Variants in AGO4 observed in about 807,000 individuals in gnomAD.
The protein encoded by AGO4 is argonaute RISC component 4.
A neutral mutation model predicts 104.7 loss-of-function variants in AGO4; 33 were observed. The observed-to-expected ratio is 0.32, with a 90% CI of 0.24 to 0.42. The LOEUF is 0.42. Ranked by LOEUF, AGO4 falls within the 10% of genes least tolerant of loss-of-function variation. The pLI is 1.00. For synonymous variants in AGO4, 331 were observed against 364.7 expected (o/e 0.91, Z 1.05); for missense variants, 711 against 1,083.4 (o/e 0.66, Z 4.83).
At chr1:35,829,364 G>A (rs913766457) in intron 7 of AGO4, among the ~76,000 whole-genome samples, 18 of 150,510 alleles carry the variant, frequency 1.2e-4, no homozygotes, top group African/African-American at 4.4e-4. Context: ...GAGAATTGTA[G>A]CATTTGTTCA....
intron 1 of AGO4, among the ~76,000 whole-genome samples, chr1:35,814,257 A>G: frequency 6.6e-6 from 1 of 152,170 alleles, no homozygotes; most frequent in Non-Finnish European, 1.5e-5. Context: ...TTCTTATAAC[A>G]TGATGGCTGT....
At chr1:35,825,585 T>G in intron 4 of AGO4, 91 bp downstream of exon 4, 2 of 1,537,250 alleles carry the variant, frequency 1.3e-6, no homozygotes, top group Non-Finnish European at 1.7e-6. Flanking sequence ...GCATAAGTCA[T>G]TGTTCAAATT....
At chr1:35,813,089 A>G (rs1643562268) in intron 1 of AGO4, among the ~76,000 whole-genome samples, 1 of 152,142 alleles carries the variant, frequency 6.6e-6, no homozygotes, top group Admixed American at 6.5e-5. Context: ...GTACACTAGA[A>G]GTAGAACTCA....
At chr1:35,811,658 C>T (rs914858728) in intron 1 of AGO4, among the ~76,000 whole-genome samples, 1 of 151,952 alleles carries the variant, frequency 6.6e-6, no homozygotes, top group Non-Finnish European at 1.5e-5. Context: ...GGCTGGAGTG[C>T]AGTGGCGCCA....
At chr1:35,814,721 C>T (rs1643634340) in intron 1 of AGO4, among the ~76,000 whole-genome samples, 1 of 151,840 alleles carries the variant, frequency 6.6e-6, no homozygotes, top group Non-Finnish European at 1.5e-5. Context: ...ACATCTAAAC[C>T]TAATTCTGAA....
chr1:35,813,762 A>G (rs1557548080), intron 1 of AGO4, among the ~76,000 whole-genome samples: 1 of 151,046 alleles, frequency 6.6e-6, no homozygotes, highest in African/African-American at 2.4e-5. Context: ...AAAAGAAAAA[A>G]AGAAGAAGAA....
Position 35,855,942 on chromosome 1 carries a change from G to A in AGO4, c.*2337G>A, listed in dbSNP as rs1334481817. 1 of 152,222 alleles carries A rather than the reference G, an allele frequency of 6.6e-6. No individual in the cohort carries two copies. The highest frequency in any genetic ancestry group is 1.5e-5 in the Non-Finnish European group (1 of 68,038). 9.4% of individuals were successfully genotyped at this position (152,222 alleles called of 1,614,324 possible). ...TGCCTCGGGCTTGCTTATTAATAAC[G>A]CACAGAAGAAGCATCACTTCTCACC... On this transcript the variant is annotated 3_prime_UTR_variant, in exon 18 of 18. Coordinates refer to ENST00000373210, the MANE Select transcript of AGO4 (RefSeq NM_017629.4).
At position 35,832,418 on chromosome 1, in the gene AGO4, C is replaced by CTTTTTTTT; in HGVS notation, c.1246-13_1246-6dup. 2 of 1,152,192 alleles carry CTTTTTTTT rather than the reference C, an allele frequency of 1.7e-6. No homozygotes were observed. Among genetic ancestry groups the CTTTTTTTT allele is most frequent in the East Asian group, 2.9e-5 (1 of 34,956 alleles). The allele number at this position is 1,152,192 out of a possible 1,614,324, so 71.4% of individuals were successfully genotyped here. A position where few individuals can be genotyped will look rare whatever the true frequency, so the allele number is the denominator to read the frequency against. ...TTTGTTTCTTCTTCTTCTTCTTCTT[C>CTTTTTTTT]TTTTTTTTTTTTTCAAAGAATAAAA... On this transcript the variant is annotated intron_variant, in intron 10 of 17. Coordinates refer to ENST00000373210, the MANE Select transcript of AGO4 (RefSeq NM_017629.4).
chr1:35,827,571 A>G (rs1001021822), intron 7 of AGO4, among the ~76,000 whole-genome samples: 12 of 152,162 alleles, frequency 7.9e-5, no homozygotes, highest in African/African-American at 2.9e-4. Flanking sequence ...TTTCAAGATC[A>G]CGAGAATCTT....
chr1:35,853,242 C>G (rs1468922834), intron 17 of AGO4, among the ~76,000 whole-genome samples: 3 of 128,234 alleles, frequency 2.3e-5, no homozygotes, highest in Non-Finnish European at 4.7e-5. Context: ...CAGCGAGACT[C>G]TGTCTCAAAA....
rs539992659 is a variant in AGO4 at position 35,808,107 on chromosome 1, G to A, written c.-310G>A. 606 of 149,530 alleles carry A rather than the reference G, an allele frequency of 4.1e-3. 2 individuals carry two copies. Among genetic ancestry groups the A allele is most frequent in the Admixed American group, 6.2e-3 (92 of 14,956 alleles). The allele number at this position is 149,530 out of a possible 1,614,324, so 9.3% of individuals were successfully genotyped here. On this transcript the variant is annotated 5_prime_UTR_variant, in exon 1 of 18. Transcript: ENST00000373210. This position sits in a 1 kb window ranked among gnomAD's most constrained non-coding sequence, Gnocchi z 5.2. ...CTCCGCCCGCCGGGACCCTGGGTCCGCGCACCCCGCGCCCCCTTCCCTCCC... is the reference window on the plus strand; with the variant it reads ...CTCCGCCCGCCGGGACCCTGGGTCCACGCACCCCGCGCCCCCTTCCCTCCC...
chr1:35,850,457 T>C (rs901651561), intron 16 of AGO4, among the ~76,000 whole-genome samples, 199 bp downstream of exon 16: 7 of 152,106 alleles, frequency 4.6e-5, no homozygotes, highest in Admixed American at 4.6e-4. Flanking sequence ...TAGGTTTCAA[T>C]TATTTTCTCT....
chr1:35,843,840 T>C (rs1644506047), intron 15 of AGO4, among the ~76,000 whole-genome samples: 1 of 152,192 alleles, frequency 6.6e-6, no homozygotes, highest in Non-Finnish European at 1.5e-5. Flanking sequence ...TCCTAAACTA[T>C]CTATTAAGCT....
intron 1 of AGO4, among the ~76,000 whole-genome samples, chr1:35,812,393 CTT>C (rs1275571472): frequency 6.6e-6 from 1 of 152,128 alleles, no homozygotes; most frequent in Non-Finnish European, 1.5e-5. Flanking sequence ...GCCTCTGCCT[CTT>C]TGACATTCAA....
chr1:35,833,235 C>T (rs961648967), intron 11 of AGO4, among the ~76,000 whole-genome samples: 5 of 152,002 alleles, frequency 3.3e-5, no homozygotes, highest in Admixed American at 2.0e-4. Context: ...GCCAAGATCT[C>T]ACCACTGCAC....
In AGO4 at chr1:35,826,015, C is replaced by A; in HGVS notation, c.715C>A (p.Pro239Thr). Residue 239 changes from proline to threonine, a missense_variant, in exon 6 of 18, where the codon CCT becomes ACT. By Grantham distance (38) the Pro-to-Thr change is conservative (BLOSUM62 -1). Coordinates refer to ENST00000373210, the MANE Select transcript of AGO4 (RefSeq NM_017629.4). ...DIQNINEQTK[P>T]LTDSQRVKFT... ...TCAGAACATCAATGAACAGACCAAA[C>A]CTCTAACAGACTCCCAGCGTGTCAA... 1.2e-6 allele frequency: 2 copies of A among 1,614,192 alleles called. No homozygotes were observed. The highest frequency in any genetic ancestry group is 1.7e-6 in the Non-Finnish European group (2 of 1,180,038).
intron 1 of AGO4, among the ~76,000 whole-genome samples, chr1:35,813,147 C>T (rs1349141700): frequency 2.0e-5 from 3 of 152,048 alleles, no homozygotes; most frequent in Non-Finnish European, 4.4e-5. Context: ...CAGTGGCTCA[C>T]GCCTGTAATC....
At chr1:35,835,306 C>T (rs1166694802) in intron 12 of AGO4, among the ~76,000 whole-genome samples, 8 of 152,190 alleles carry the variant, frequency 5.3e-5, no homozygotes, top group Non-Finnish European at 1.2e-4. Flanking sequence ...ATCCACCCGC[C>T]TTGGCCTCCC....
In AGO4 at chr1:35,834,060, T is replaced by C. The variant is rs754565083; in HGVS notation, c.1450T>C (p.Cys484Arg). The C allele has an allele frequency of 6.2e-7, 1 of 1,611,744 alleles. No homozygotes were observed. The highest frequency in any genetic ancestry group is 1.1e-5 in the South Asian group (1 of 90,586). ...GCCCATCCAGGGTCAGCCATGTTTC[T>C]GCAAGTATGCACAAGGTGCAGACAG... is the stretch of plus-strand genomic sequence containing the variant. ...GMPIQGQPCFCKYAQGADSVE... is the reference protein window; with the variant it reads ...GMPIQGQPCFRKYAQGADSVE... Residue 484 changes from cysteine to arginine, a missense_variant, in exon 12 of 18, where the codon TGC becomes CGC. By Grantham distance (180) the Cys-to-Arg change is radical. Transcript: ENST00000373210.
Sources: allele counts gnomAD v4.1 joint callset (sites outside exome capture counted in the v4.1 genomes callset), GRCh38; gene constraint gnomAD v4.1.1; non-coding constraint Gnocchi (gnomAD v3.1); transcripts MANE v1.5; gene names NCBI Gene and HGNC (gene_info 2026-07-23, HGNC 2026-07-21).